SEC13: variants seen among roughly 807,000 people sequenced by gnomAD.
SEC13 encodes the protein protein SEC13 homolog.
Under a neutral mutation model 49.2 loss-of-function variants are expected in SEC13, and 25 were observed. The ratio of observed to expected loss-of-function variants is 0.51; its 90% CI spans 0.37 to 0.71. The LOEUF (loss-of-function observed/expected upper bound fraction) is 0.71, where lower values mean the gene tolerates loss of function less well. SEC13 is among the 30% of genes least tolerant of loss of function. SEC13 has a pLI of 0.00. For synonymous variants in SEC13, 148 were observed against 163.9 expected (o/e 0.90, Z 0.74); for missense variants, 383 against 417.6 (o/e 0.92, Z 0.72).
Position 10,301,187 on chromosome 3 carries a change from G to GTTGT in SEC13, c.*70_*73dup, listed in dbSNP as rs1248656883. 7 of 1,613,790 alleles carry GTTGT rather than the reference G, an allele frequency of 4.3e-6. No homozygotes were observed. Among genetic ancestry groups the GTTGT allele is most frequent in the East Asian group, 2.2e-5 (1 of 44,894 alleles). ...CTGTTGGAGTTGGGGGCTCTTCCCA[G>GTTGT]TTGTCTGGTTAGTTGGCCCAGGAAG... On this transcript the variant is annotated 3_prime_UTR_variant, in exon 9 of 9. Coordinates refer to ENST00000350697, the MANE Select transcript of SEC13 (RefSeq NM_183352.3).
In SEC13 at chr3:10,301,089, A is replaced by G; in HGVS notation, c.*172T>C. The G allele has an allele frequency of 6.2e-7, 1 of 1,612,520 alleles. No homozygotes were observed. On this transcript the variant is annotated 3_prime_UTR_variant, in exon 9 of 9. Transcript: ENST00000350697. Reference sequence around the variant, plus strand: ...GCTTTCAGCTGGACAGTAGATTACAAAGCATCTCCGATCACGTTAAGGCAG... The same window carrying G: ...GCTTTCAGCTGGACAGTAGATTACAGAGCATCTCCGATCACGTTAAGGCAG...
chr3:10,308,150 T>C (rs1321985453), intron 5 of SEC13, among the ~76,000 whole-genome samples: 4 of 152,196 alleles, frequency 2.6e-5, no homozygotes, highest in Non-Finnish European at 5.9e-5. Flanking sequence ...AAATATATCC[T>C]GTAGGATCAT....
intron 3 of SEC13, among the ~76,000 whole-genome samples, chr3:10,314,473 G>A (rs903807687): frequency 6.6e-6 from 1 of 152,228 alleles, no homozygotes; most frequent in Non-Finnish European, 1.5e-5. Context: ...TTCTACTGGT[G>A]ACAAAGTGAC....
intron 5 of SEC13, among the ~76,000 whole-genome samples, chr3:10,310,942 G>A (rs1701213999): frequency 6.6e-6 from 1 of 151,938 alleles, no homozygotes; most frequent in Non-Finnish European, 1.5e-5. Context: ...ATAGTAAGTA[G>A]GAGAAGCCAG....
chr3:10,319,361 G>A (rs1043941962), intron 1 of SEC13: 52 of 1,451,956 alleles, frequency 3.6e-5, no homozygotes, highest in Middle Eastern at 3.6e-4. Flanking sequence ...TCCATGTGCC[G>A]AGCTGTATAG....
At position 10,315,371 on chromosome 3, in the gene SEC13, T is replaced by A. The variant is rs1485657228; in HGVS notation, c.114A>T (p.Lys38Asn). The A allele has an allele frequency of 6.2e-7, 1 of 1,612,972 alleles. No individual in the cohort carries two copies. The highest frequency in any genetic ancestry group is 1.3e-5 in the African/African-American group (1 of 74,816). ...LATCSSDRSV[K>N]IFDVRNGGQI... ...GCCCTCCATTGCGCACATCAAAGATTTTGACGGACCTGTCTGATGAGCAGG... is the reference window on the plus strand; with the variant it reads ...GCCCTCCATTGCGCACATCAAAGATATTGACGGACCTGTCTGATGAGCAGG... Residue 38 changes from lysine (K) to asparagine (N), a missense_variant, in exon 3 of 9, where the codon AAA becomes AAT. Coordinates refer to ENST00000350697, the MANE Select transcript of SEC13 (RefSeq NM_183352.3).
chr3:10,303,154 TGAAAG>T, intron 8 of SEC13, among the ~76,000 whole-genome samples: 2 of 152,188 alleles, frequency 1.3e-5, no homozygotes, highest in South Asian at 4.2e-4. Context: ...GCCACACAAA[TGAAAG>T]GTAAGACATG....
intron 3 of SEC13, 122 bp from the exon 4 acceptor site, chr3:10,312,852 A>T (rs1701368074): frequency 2.1e-6 from 2 of 967,700 alleles, no homozygotes; most frequent in Non-Finnish European, 3.1e-6. Context: ...CTTCAAAGGG[A>T]GAACTATACA....
chr3:10,313,424 CTT>C (rs1701408503), intron 3 of SEC13: 1 of 531,002 alleles, frequency 1.9e-6, no homozygotes, highest in Non-Finnish European at 3.9e-6. Context: ...GCAAGGATAT[CTT>C]TGTCTCTTTA....
chr3:10,305,732 G>C, intron 5 of SEC13, 40 bp from the exon 6 acceptor site: 1 of 1,611,656 alleles, frequency 6.2e-7, no homozygotes, highest in Non-Finnish European at 8.5e-7. Context: ...CCTTGCAAGA[G>C]AACACTGCTT....
chr3:10,316,125 T>C (rs1387084185), intron 2 of SEC13, among the ~76,000 whole-genome samples: 1 of 152,182 alleles, frequency 6.6e-6, no homozygotes, highest in Non-Finnish European at 1.5e-5. Flanking sequence ...TCCTTGATGC[T>C]GACTGAGCAT....
chr3:10,301,513 A>ATCTC, intron 8 of SEC13, 139 bp from the exon 9 acceptor site: 1 of 1,090,426 alleles, frequency 9.2e-7, no homozygotes. Context: ...CTCCACTGAA[A>ATCTC]TCTCACCAAA....
Position 10,315,434 on chromosome 3 carries a change from G to A in SEC13, c.51C>T (p.His17=), listed in dbSNP as rs754931230. 41 of 1,405,480 alleles carry A rather than the reference G, an allele frequency of 2.9e-5. No individual in the cohort carries two copies. Among genetic ancestry groups the A allele is most frequent in the Middle Eastern group, 2.0e-4 (1 of 5,054 alleles). 87.1% of individuals were successfully genotyped at this position (1,405,480 alleles called of 1,614,324 possible). A position where few individuals can be genotyped will look rare whatever the true frequency, so the allele number is the denominator to read the frequency against. The change falls in exon 3 of 9, where the codon CAC becomes CAT. Residue 17 remains histidine (H), a splice_region_variant and synonymous_variant. Transcript: ENST00000350697. ...TGCCATAGTAGTCCATCTGGGCGTC[G>A]TGCTGCAAAGGGAGGACAGCTCGGG... The part of the protein sequence containing the change: ...TVDTSHEDMI[H]DAQMDYYGTR...
intron 3 of SEC13, chr3:10,313,666 C>T (rs1015090903): frequency 1.7e-4 from 33 of 191,912 alleles, no homozygotes; most frequent in African/African-American, 7.3e-4. Context: ...ACTCAATCTT[C>T]CAACAACTAG....
chr3:10,316,213 C>G (rs1701595520), intron 2 of SEC13, among the ~76,000 whole-genome samples: 1 of 152,168 alleles, frequency 6.6e-6, no homozygotes, highest in Non-Finnish European at 1.5e-5. Context: ...CCTCCTGCAC[C>G]ACTGAACACC....
intron 2 of SEC13, among the ~76,000 whole-genome samples, chr3:10,317,042 G>C (rs1247812391): frequency 6.6e-6 from 1 of 151,818 alleles, no homozygotes; most frequent in African/African-American, 2.4e-5. Context: ...TTAGCATGGG[G>C]CCTGACACTC....
Position 10,301,283 on chromosome 3 carries a change from T to G in SEC13, c.947A>C (p.Glu316Ala), listed in dbSNP as rs1212888256. The change falls in exon 9 of 9, where the codon GAG (glutamate) becomes GCG (alanine). Residue 316 changes from glutamate (E) to alanine (A), a missense_variant. Physicochemically the swap from Glu to Ala is moderately radical, Grantham distance 107. Coordinates refer to ENST00000350697, the MANE Select transcript of SEC13 (RefSeq NM_183352.3). ...TTGTCACTGCTCGTTCTGCTGGCCC[T>G]CTGTCACTGATGCTGATACGGAGCC... Reference protein sequence around the residue: ...GQGSVSASVTEGQQNEQ With the variant: ...GQGSVSASVTAGQQNEQ 1.9e-6 allele frequency: 3 copies of G among 1,614,138 alleles called. No homozygotes were observed. The South Asian group carries it at 3.3e-5, about 18-fold the overall frequency.
intron 7 of SEC13, among the ~76,000 whole-genome samples, chr3:10,304,794 G>A (rs1004224541): frequency 2.0e-5 from 3 of 152,158 alleles, no homozygotes; most frequent in Non-Finnish European, 2.9e-5. Flanking sequence ...AATTCATCCC[G>A]AATCCGCCTC....
chr3:10,312,788 G>A (rs1197790860), intron 3 of SEC13, 58 bp from the exon 4 acceptor site: 2 of 1,570,886 alleles, frequency 1.3e-6, no homozygotes, highest in East Asian at 4.5e-5. Flanking sequence ...CACTACTTTG[G>A]ACAGAACTAA....
Sources: gnomAD v4.1 joint callset for allele counts (sites outside exome capture counted in the v4.1 genomes callset) on GRCh38, gnomAD v4.1.1 for gene constraint, MANE v1.5 for transcripts, NCBI Gene and HGNC (gene_info 2026-07-23, HGNC 2026-07-21) for gene names.